PKDCC: variants seen among roughly 807,000 people sequenced by gnomAD.
PKDCC encodes extracellular tyrosine-protein kinase PKDCC.
In PKDCC, 35 loss-of-function variants were observed where a neutral mutation model predicts 44.7. That is an observed-to-expected ratio of 0.78 (90% CI 0.60 to 1.04). The LOEUF (loss-of-function observed/expected upper bound fraction) is 1.04, where lower values mean the gene tolerates loss of function less well. Among genes scored for constraint, PKDCC ranks in the 50% least tolerant of loss-of-function variants. The pLI, the probability that PKDCC is intolerant of heterozygous loss-of-function variation, is 0.00. For missense variants in PKDCC, 738 were observed against 672.7 expected (o/e 1.10, Z -1.07); for synonymous variants, 353 against 303.3 (o/e 1.16, Z -1.70).
chr2:42,048,204 G>A lies in PKDCC; in HGVS notation c.5G>A (p.Arg2Gln). 1.7e-6 allele frequency: 2 copies of A among 1,173,774 alleles called. No homozygotes were observed. Among genetic ancestry groups the A allele is most frequent in the South Asian group, 2.5e-5 (1 of 39,348 alleles). 72.7% of individuals were successfully genotyped at this position (1,173,774 alleles called of 1,614,324 possible). ...CCGGCCGGGGGGAGGGGAGCGATGC[G>A]GCGCCGGCGGGCGGCAGTGGCCGCG... is the stretch of plus-strand genomic sequence containing the variant. The part of the protein sequence containing the change: M[R>Q]RRRAAVAAGF... Residue 2 changes from arginine (R) to glutamine (Q), a missense_variant, in exon 1 of 7, where the codon CGG becomes CAG. Physicochemically the swap from Arg to Gln is conservative, Grantham distance 43 (BLOSUM62 1). Coordinates refer to ENST00000294964, the MANE Select transcript of PKDCC (RefSeq NM_138370.3). This position sits in a 1 kb window ranked among gnomAD's most constrained non-coding sequence, Gnocchi z 6.2.
rs149149008 is a variant in PKDCC, at chr2:42,057,288, C to T, written c.1290C>T (p.His430=). The T allele has an allele frequency of 5.4e-5, 87 of 1,614,092 alleles. No homozygotes were observed. Among genetic ancestry groups the T allele is most frequent in the Admixed American group, 3.7e-4 (22 of 60,012 alleles). The change falls in exon 6 of 7, where the codon CAC becomes CAT. Residue 430 remains histidine, a synonymous_variant. Transcript: ENST00000294964. ...ACCGCTGCTGGCCATCCTACCACCA[C>T]GGGAGCTGCCTCCTTTCAGTGTTCA... ...EDYRCWPSYH[H]GSCLLSVFNL... is the part of the protein sequence containing the mutation.
intron 1 of PKDCC, 134 bp from the exon 2 acceptor site, chr2:42,053,105 A>G: frequency 9.9e-7 from 1 of 1,010,902 alleles, no homozygotes; most frequent in African/African-American, 1.6e-5. Flanking sequence ...CAACGCTGCC[A>G]TTCTCTTCTG....
Position 42,048,661 on chromosome 2 carries a change from G to A in PKDCC, c.462G>A (p.Arg154=). 1 of 1,545,904 alleles carries A rather than the reference G, an allele frequency of 6.5e-7. No homozygotes were observed. Among genetic ancestry groups the A allele is most frequent in the Non-Finnish European group, 8.7e-7 (1 of 1,146,252 alleles). The change falls in exon 1 of 7, where the codon CGG becomes CGA. Residue 154 remains arginine, a synonymous_variant. Coordinates refer to ENST00000294964, the MANE Select transcript of PKDCC (RefSeq NM_138370.3). The surrounding 1 kb of genome is among the most constrained non-coding windows in gnomAD (Gnocchi z 6.2). Reference sequence around the variant, plus strand: ...CAGGCTACACCAAGGCCGTGTACCGGGTCCGCCTGCCCGGCGGTGCCGCGG... The same window carrying A: ...CAGGCTACACCAAGGCCGTGTACCGAGTCCGCCTGCCCGGCGGTGCCGCGG... ...MGSGYTKAVY[R]VRLPGGAAVA...
Position 42,048,490 on chromosome 2 carries a change from G to A in PKDCC, c.291G>A (p.Leu97=). Residue 97 remains leucine (L), a synonymous_variant, in exon 1 of 7, where the codon CTG becomes CTA. Transcript: ENST00000294964. The surrounding 1 kb of genome is among the most constrained non-coding windows in gnomAD (Gnocchi z 6.2). ...LMDLAPGGPG[L]PRPRPPWARP... is the part of the protein sequence containing the mutation. Reference sequence around the variant, plus strand: ...ACCTGGCTCCGGGCGGGCCCGGCCTGCCGCGCCCCCGGCCCCCTTGGGCCC... The same window carrying A: ...ACCTGGCTCCGGGCGGGCCCGGCCTACCGCGCCCCCGGCCCCCTTGGGCCC... 1 of 1,048,112 alleles carries A rather than the reference G, an allele frequency of 9.5e-7. No individual in the cohort carries two copies. Among genetic ancestry groups the A allele is most frequent in the Non-Finnish European group, 1.1e-6 (1 of 872,790 alleles). The allele number at this position is 1,048,112 out of a possible 1,614,324, so 64.9% of individuals were successfully genotyped here. A position where few individuals can be genotyped will look rare whatever the true frequency, so the allele number is the denominator to read the frequency against.
chr2:42,054,544 A>G lies in PKDCC; in HGVS notation c.1034+237A>G, dbSNP rs1668021955. The G allele has an allele frequency of 1.7e-6, 1 of 580,156 alleles. No individual in the cohort carries two copies. The highest frequency in any genetic ancestry group is 3.0e-6 in the Non-Finnish European group (1 of 331,852). The allele number at this position is 580,156 out of a possible 1,614,324, so 35.9% of individuals were successfully genotyped here. ...GTGGCAGCTGGAGGCTTCTTAAAAT[A>G]GTGTTGGACTCGGAGCCTAGGGCTG... On this transcript the variant is annotated intron_variant, in intron 3 of 6. Transcript: ENST00000294964. This position sits in a 1 kb window ranked among gnomAD's most constrained non-coding sequence, Gnocchi z 6.1.
Position 42,055,295 on chromosome 2 carries a change from C to A in PKDCC, c.1124C>A (p.Ala375Asp), listed in dbSNP as rs748929908. The part of the protein sequence containing the change: ...DSIVNATGEL[A>D]WGVDETLAQL... ...ACACTGCACTCTGCAGGAGAGCTCGCCTGGGGGGTGGACGAGACCCTGGCC... is the reference window on the plus strand; with the variant it reads ...ACACTGCACTCTGCAGGAGAGCTCGACTGGGGGGTGGACGAGACCCTGGCC... Residue 375 changes from alanine to aspartate, a missense_variant, in exon 5 of 7, where the codon GCC (alanine) becomes GAC (aspartate). Ala to Asp is a moderately radical substitution (Grantham distance 126). Coordinates refer to ENST00000294964, the MANE Select transcript of PKDCC (RefSeq NM_138370.3). This position sits in a 1 kb window ranked among gnomAD's most constrained non-coding sequence, Gnocchi z 4.5. 5 of 1,613,028 alleles carry A rather than the reference C, an allele frequency of 3.1e-6. No individual in the cohort carries two copies. Among genetic ancestry groups the A allele is most frequent in the Non-Finnish European group, 8.5e-7 (1 of 1,179,864 alleles).
intron 5 of PKDCC, 56 bp from the exon 6 acceptor site, chr2:42,057,165 G>C: frequency 6.3e-7 from 1 of 1,578,164 alleles, no homozygotes; most frequent in Non-Finnish European, 8.7e-7. Flanking sequence ...ACACATCCTT[G>C]GGCACTCAAA....
intron 1 of PKDCC, among the ~76,000 whole-genome samples, chr2:42,049,129 T>G (rs1667925971): frequency 6.6e-6 from 1 of 152,090 alleles, no homozygotes; most frequent in South Asian, 2.1e-4. Context: ...CATTAGGATT[T>G]AGGACTCTAC....
intron 2 of PKDCC, 108 bp downstream of exon 2, chr2:42,053,469 G>A (rs1668003113): frequency 1.4e-6 from 2 of 1,448,804 alleles, no homozygotes; most frequent in Non-Finnish European, 1.9e-6. Context: ...CAGGGAGAGG[G>A]AGGGGAGGAA....
At chr2:42,056,313 G>T (rs1324730560) in intron 5 of PKDCC, among the ~76,000 whole-genome samples, 1 of 152,184 alleles carries the variant, frequency 6.6e-6, no homozygotes, top group African/African-American at 2.4e-5. Context: ...CTCACTGATT[G>T]TGAGTTTTCA....
Position 42,055,325 on chromosome 2 carries a change from TG to T in PKDCC, c.1156del (p.Glu386ArgfsTer104), listed in dbSNP as rs1668035710. ...GGGGTGGACGAGACCCTGGCCCAGC[TG>T]GAGAAGGTGCTGCACCTGTACCGGA... ...AWGVDETLAQ[L>X]EKVLHLYRSG... On this transcript the variant is annotated frameshift_variant, in exon 5 of 7. Transcript: ENST00000294964. LOFTEE classifies it high-confidence loss of function. This position sits in a 1 kb window ranked among gnomAD's most constrained non-coding sequence, Gnocchi z 4.5. 1 of 1,613,708 alleles carries T rather than the reference TG, an allele frequency of 6.2e-7. No individual in the cohort carries two copies. The highest frequency in any genetic ancestry group is 2.2e-5 in the East Asian group (1 of 44,882).
intron 1 of PKDCC, among the ~76,000 whole-genome samples, chr2:42,050,441 G>C (rs1244616676): frequency 6.6e-6 from 1 of 152,140 alleles, no homozygotes; most frequent in Admixed American, 6.5e-5. Flanking sequence ...AGACGGGTTT[G>C]ATGTTTGATG....
At chr2:42,057,079 A>C (rs906792500) in intron 5 of PKDCC, 142 bp from the exon 6 acceptor site, 1 of 874,242 alleles carries the variant, frequency 1.1e-6, no homozygotes, top group Non-Finnish European at 1.8e-6. Flanking sequence ...AGCTGCCTTC[A>C]TCTGCGTGCT....
In PKDCC at chr2:42,050,485, C is replaced by T. The variant is rs181169383; in HGVS notation, c.639+1647C>T. 3.9e-5 allele frequency among the ~76,000 whole-genome samples: 6 copies of T among 152,298 alleles called. No homozygotes were observed. The East Asian group carries it at 1.2e-3, about 29-fold the overall frequency. On this transcript the variant is annotated intron_variant, in intron 1 of 6. Coordinates refer to ENST00000294964, the MANE Select transcript of PKDCC (RefSeq NM_138370.3). ...TATCTTTTAAGAAACTTGTCCCTCA[C>T]TCTTCCCGCCAGCTCAAACTTCCTG...
Position 42,055,641 on chromosome 2 carries a change from T to C in PKDCC, c.1222+248T>C. 1 of 507,962 alleles carries C rather than the reference T, an allele frequency of 2.0e-6. No individual in the cohort carries two copies. Among genetic ancestry groups the C allele is most frequent in the Non-Finnish European group, 3.6e-6 (1 of 280,862 alleles). The allele number at this position is 507,962 out of a possible 1,614,324, so 31.5% of individuals were successfully genotyped here. A position where few individuals can be genotyped will look rare whatever the true frequency, so the allele number is the denominator to read the frequency against. On this transcript the variant is annotated intron_variant, in intron 5 of 6. Coordinates refer to ENST00000294964, the MANE Select transcript of PKDCC (RefSeq NM_138370.3). The surrounding 1 kb of genome is among the most constrained non-coding windows in gnomAD (Gnocchi z 4.5). ...TGGGCACTGATACCCCTACTCTGGATGGCTCCAAACCCTATCATGTACTGG... is the reference window on the plus strand; with the variant it reads ...TGGGCACTGATACCCCTACTCTGGACGGCTCCAAACCCTATCATGTACTGG...
rs918786223 is a variant in PKDCC at position 42,055,243 on chromosome 2, G to A, written c.1115-43G>A. On this transcript the variant is annotated intron_variant, in intron 4 of 6. Transcript: ENST00000294964. The surrounding 1 kb of genome is among the most constrained non-coding windows in gnomAD (Gnocchi z 4.5). Reference sequence around the variant, plus strand: ...CTGGCTGCTGACTTCAGGGAGGAGTGGGAGCCCCAGGCATCCTGTCTTAGC... The same window carrying A: ...CTGGCTGCTGACTTCAGGGAGGAGTAGGAGCCCCAGGCATCCTGTCTTAGC... 3.9e-6 allele frequency: 6 copies of A among 1,557,448 alleles called. No homozygotes were observed. Among genetic ancestry groups the A allele is most frequent in the African/African-American group, 1.3e-5 (1 of 74,188 alleles).
rs1314070691 is a variant in PKDCC at position 42,051,218 on chromosome 2, T to G, written c.640-2021T>G. Among the ~76,000 whole-genome samples the G allele has an allele frequency of 5.9e-5, 9 of 151,966 alleles. No homozygotes were observed. Among genetic ancestry groups the G allele is most frequent in the Non-Finnish European group, 1.3e-4 (9 of 67,978 alleles). On this transcript the variant is annotated intron_variant, in intron 1 of 6. Coordinates refer to ENST00000294964, the MANE Select transcript of PKDCC (RefSeq NM_138370.3). This position sits in a 1 kb window ranked among gnomAD's most constrained non-coding sequence, Gnocchi z 4.2. ...GGGCGAGATCTTTCTATCCATTTTC[T>G]TTGACCCCTCCCCATCCCGCCCCTG...
rs750760520 is a variant in PKDCC at position 42,054,030 on chromosome 2, C to A, written c.763-6C>A. 2 of 1,609,500 alleles carry A rather than the reference C, an allele frequency of 1.2e-6. No homozygotes were observed. The highest frequency in any genetic ancestry group is 1.7e-5 in the Admixed American group (1 of 59,948). ...GCAGTGAGCAGTCTTTTCTTGTGCC[C>A]CTCAGATCTGCCTGAGCCTGGGCCG... On this transcript the variant is annotated splice_region_variant and splice_polypyrimidine_tract_variant and intron_variant, in intron 2 of 6. Transcript: ENST00000294964. The surrounding 1 kb of genome is among the most constrained non-coding windows in gnomAD (Gnocchi z 6.1).
At chr2:42,049,490 G>A (rs1428668007) in intron 1 of PKDCC, among the ~76,000 whole-genome samples, 1 of 152,020 alleles carries the variant, frequency 6.6e-6, no homozygotes, top group African/African-American at 2.4e-5. Flanking sequence ...GCCTTAAAGT[G>A]GGTCCTTGAG....
Sources: allele counts gnomAD v4.1 joint callset (sites outside exome capture counted in the v4.1 genomes callset), GRCh38; gene constraint gnomAD v4.1.1; non-coding constraint Gnocchi (gnomAD v3.1); transcripts MANE v1.5; gene names NCBI Gene and HGNC (gene_info 2026-07-23, HGNC 2026-07-21).